The following PTPRM variants were observed in gnomAD, a reference collection of about 807,000 sequenced individuals.
PTPRM encodes the protein receptor-type tyrosine-protein phosphatase mu.
Under a neutral mutation model 186.7 loss-of-function variants are expected in PTPRM, and 47 were observed. That is an observed-to-expected ratio of 0.25 (90% confidence interval 0.20 to 0.32). PTPRM has a LOEUF of 0.32. Ranked by LOEUF, PTPRM falls within the 10% of genes least tolerant of loss-of-function variation. PTPRM has a pLI of 1.00. For missense variants in PTPRM, 1,494 were observed against 1,865.0 expected (o/e 0.80, Z 3.66); for synonymous variants, 668 against 674.9 (o/e 0.99, Z 0.16).
At chr18:7,769,439 G>A (rs1170951665) in intron 1 of PTPRM, among the ~76,000 whole-genome samples, 1 of 152,074 alleles carries the variant, frequency 6.6e-6, no homozygotes, top group Non-Finnish European at 1.5e-5. Flanking sequence ...TCTATTATCA[G>A]ATTTATATAT....
intron 4 of PTPRM, among the ~76,000 whole-genome samples, chr18:7,913,247 T>C (rs1235219527): frequency 1.3e-5 from 1 of 79,516 alleles, no homozygotes; most frequent in Non-Finnish European, 2.3e-5. Context: ...GGTGGATCCA[T>C]AGGATTTTCT....
chr18:7,684,844 T>G (rs181500063), intron 1 of PTPRM, among the ~76,000 whole-genome samples: 1 of 152,332 alleles, frequency 6.6e-6, no homozygotes, highest in Admixed American at 6.5e-5. Context: ...TGATTTCAAT[T>G]TCTTTTTTGG....
intron 5 of PTPRM, among the ~76,000 whole-genome samples, chr18:7,933,553 G>T (rs2051614848): frequency 6.6e-6 from 1 of 152,134 alleles, no homozygotes; most frequent in African/African-American, 2.4e-5. Context: ...TGGAACAGGG[G>T]GGACTGCTAT....
chr18:7,736,191 C>A (rs7230507), intron 1 of PTPRM, among the ~76,000 whole-genome samples: 8,183 of 152,196 alleles, frequency 0.054, 569 homozygotes, highest in African/African-American at 0.15. Context: ...GACAAGTGAC[C>A]TTAGTCACTA....
At chr18:7,852,028 G>T (rs565642222) in intron 2 of PTPRM, among the ~76,000 whole-genome samples, 1 of 152,000 alleles carries the variant, frequency 6.6e-6, no homozygotes, top group Non-Finnish European at 1.5e-5. Flanking sequence ...GAATAGAGAA[G>T]GGATATGTAA....
intron 2 of PTPRM, among the ~76,000 whole-genome samples, chr18:7,839,560 T>C (rs1040948949): frequency 1.3e-5 from 2 of 152,226 alleles, no homozygotes; most frequent in African/African-American, 4.8e-5. Context: ...GCTAGTATTA[T>C]AGATGTAAGA....
intron 13 of PTPRM, among the ~76,000 whole-genome samples, chr18:8,122,712 AT>A (rs932048399): frequency 3.3e-5 from 5 of 152,152 alleles, no homozygotes; most frequent in Non-Finnish European, 5.9e-5. Context: ...GGTGCAAGAG[AT>A]TTATTTTTTA....
rs185049549 is a variant in PTPRM, at chr18:8,145,397, C to T, written c.2300+1618C>T. Among the ~76,000 whole-genome samples, 866 of 152,104 alleles carry T rather than the reference C, an allele frequency of 5.7e-3. 11 individuals are homozygous for T. The highest frequency in any genetic ancestry group is 0.02 in the African/African-American group (826 of 41,478). On this transcript the variant is annotated intron_variant, in intron 14 of 32. Transcript: ENST00000580170. ...AGCAGTTTTGTTACATAGGTATACACGTGCCATGGTGGTTTGCTTTACCCA... is the reference window on the plus strand; with the variant it reads ...AGCAGTTTTGTTACATAGGTATACATGTGCCATGGTGGTTTGCTTTACCCA...
At chr18:7,740,384 A>G (rs2040862870) in intron 1 of PTPRM, among the ~76,000 whole-genome samples, 1 of 152,202 alleles carries the variant, frequency 6.6e-6, no homozygotes. Context: ...CCCCGAATAT[A>G]CACTCTGTAT....
At chr18:7,846,614 C>G (rs1006796430) in intron 2 of PTPRM, among the ~76,000 whole-genome samples, 31 of 152,284 alleles carry the variant, frequency 2.0e-4, no homozygotes, top group African/African-American at 7.5e-4. Context: ...GGTTTGTGTT[C>G]CTGGGTTCCC....
chr18:8,191,841 C>G (rs191613690), intron 14 of PTPRM, among the ~76,000 whole-genome samples: 3 of 152,082 alleles, frequency 2.0e-5, no homozygotes, highest in Admixed American at 6.5e-5. Context: ...ACAAGCTCAC[C>G]CTGAGATTGT....
intron 3 of PTPRM, among the ~76,000 whole-genome samples, chr18:7,903,978 G>A (rs1006915816): frequency 8.5e-5 from 13 of 152,122 alleles, no homozygotes; most frequent in African/African-American, 1.7e-4. Context: ...CGATAGACTC[G>A]TTGCATTTAT....
chr18:7,878,046 A>T (rs2048329811), intron 2 of PTPRM, among the ~76,000 whole-genome samples: 1 of 152,150 alleles, frequency 6.6e-6, no homozygotes, highest in Non-Finnish European at 1.5e-5. Flanking sequence ...ATAGTGTTGA[A>T]ATGTTTATGT....
chr18:7,567,858 C>G lies in PTPRM; in HGVS notation c.40C>G (p.Leu14Val), dbSNP rs1265059295. Residue 14 changes from leucine to valine, a missense_variant, in exon 1 of 33, where the codon CTT becomes GTT. Leu to Val is a conservative substitution (Grantham distance 32). Around this residue, in one of 3 missense-constraint regions of PTPRM, gnomAD observed 296 missense variants for 345.5 expected, o/e 0.86. Transcript: ENST00000580170. The surrounding 1 kb of genome is among the most constrained non-coding windows in gnomAD (Gnocchi z 4.3). ...LGTCLATLAGLLLTAAGETFS... is the reference protein window; with the variant it reads ...LGTCLATLAGVLLTAAGETFS... Reference sequence around the variant, plus strand: ...GACTTGCCTGGCGACTTTGGCCGGACTTTTGCTAACTGCGGCGGGCGAGAC... The same window carrying G: ...GACTTGCCTGGCGACTTTGGCCGGAGTTTTGCTAACTGCGGCGGGCGAGAC... The G allele has an allele frequency of 6.4e-7, 1 of 1,563,052 alleles. No homozygotes were observed. Among genetic ancestry groups the G allele is most frequent in the African/African-American group, 1.4e-5 (1 of 70,446 alleles).
At chr18:8,383,431 G>C (rs1432763530) in intron 29 of PTPRM, among the ~76,000 whole-genome samples, 2 of 151,578 alleles carry the variant, frequency 1.3e-5, no homozygotes, top group Admixed American at 6.6e-5. Flanking sequence ...CTTTGAGAAG[G>C]GTTTTTGAAG....
At chr18:8,153,548 T>C (rs946531147) in intron 14 of PTPRM, among the ~76,000 whole-genome samples, 3 of 152,144 alleles carry the variant, frequency 2.0e-5, no homozygotes, top group African/African-American at 7.2e-5. Flanking sequence ...AAAAATAGAG[T>C]ATATTCTCTG....
chr18:8,210,972 G>A (rs747884862), intron 14 of PTPRM, among the ~76,000 whole-genome samples: 15 of 152,294 alleles, frequency 9.8e-5, no homozygotes, highest in Admixed American at 2.6e-4. Context: ...AAATGCTACT[G>A]GCACATTATG....
intron 7 of PTPRM, among the ~76,000 whole-genome samples, chr18:8,063,515 A>G (rs2088796472): frequency 6.6e-6 from 1 of 152,234 alleles, no homozygotes; most frequent in African/African-American, 2.4e-5. Context: ...TTCAGGGAGA[A>G]TAAAATATGA....
intron 14 of PTPRM, among the ~76,000 whole-genome samples, chr18:8,239,798 G>T (rs2094395240): frequency 6.6e-6 from 1 of 152,054 alleles, no homozygotes. Flanking sequence ...CTCCTTTCAT[G>T]CCAGGCTAGA....
Sources: gnomAD v4.1 joint callset for allele counts (sites outside exome capture counted in the v4.1 genomes callset) on GRCh38, gnomAD v4.1.1 for gene constraint, gnomAD v4.1.1 regional missense constraint, Gnocchi (gnomAD v3.1) non-coding constraint, MANE v1.5 for transcripts, NCBI Gene and HGNC (gene_info 2026-07-23, HGNC 2026-07-21) for gene names.